Variants in NBPF8 observed in about 807,000 individuals in gnomAD.
NBPF8 encodes NBPF member 8.
chr1:120,428,898 T>G (rs1660793151), intron 3 of NBPF8, among the ~76,000 whole-genome samples: 1 of 151,716 alleles, frequency 6.6e-6, no homozygotes, highest in African/African-American at 2.4e-5. Context: ...TGACTCCTGG[T>G]TGAGTGCTTT....
chr1:120,436,358 T>A, exon 1 of NBPF8: 1 of 1,548,060 alleles, frequency 6.5e-7, no homozygotes. Flanking sequence ...CCTAAAGTGC[T>A]GTGGGAGTGA....
intron 8 of NBPF8, chr1:120,446,137 G>A: frequency 1.2e-6 from 2 of 1,603,372 alleles, no homozygotes; most frequent in Admixed American, 1.7e-5. Context: ...TATCAGTGGG[G>A]TTTTTTTCTG....
chr1:120,450,779 AG>A (rs1259331723), intron 11 of NBPF8, among the ~76,000 whole-genome samples: 3 of 152,160 alleles, frequency 2.0e-5, no homozygotes, highest in Non-Finnish European at 2.9e-5. Context: ...GGAAACCATC[AG>A]TCCCATAGTC....
intron 18 of NBPF8, 105 bp downstream of exon 16, chr1:120,460,729 C>G (rs1661560711): frequency 2.1e-6 from 2 of 975,458 alleles, no homozygotes; most frequent in Non-Finnish European, 3.2e-6. Flanking sequence ...TCTTGTCAGA[C>G]AAGTCTGAAT....
At chr1:120,456,209 T>G (rs1661431306) in intron 16 of NBPF8, among the ~76,000 whole-genome samples, 1 of 151,212 alleles carries the variant, frequency 6.6e-6, no homozygotes, top group African/African-American at 2.5e-5. Context: ...TTGGAATAAG[T>G]GTGATGTGGT....
chr1:120,433,145 A>G (rs1660932146), upstream of NBPF8: 2 of 152,226 alleles, frequency 1.3e-5, no homozygotes, highest in South Asian at 4.1e-4. Context: ...CATCAACACA[A>G]TTCTGCTTAA....
intron 12 of NBPF8, among the ~76,000 whole-genome samples, 190 bp from the exon 11 acceptor site, chr1:120,451,927 C>T (rs1422439891): frequency 6.6e-6 from 1 of 151,930 alleles, no homozygotes; most frequent in Non-Finnish European, 1.5e-5. Context: ...CAAGAGCTCT[C>T]TGTGATACAG....
chr1:120,431,359 AATATATATAT>A (rs869036983), upstream of NBPF8, among the ~76,000 whole-genome samples: 5,731 of 41,982 alleles, frequency 0.14, 468 homozygotes, highest in East Asian at 0.27. Flanking sequence ...CCAAATAGGG[AATATATATAT>A]ATATATATAT....
At chr1:120,422,116 T>C (rs1660593739) in intron 1 of NBPF8, among the ~76,000 whole-genome samples, 3 of 152,178 alleles carry the variant, frequency 2.0e-5, no homozygotes. Context: ...TACAGAAAAA[T>C]GGAGTGGATA....
chr1:120,435,725 G>A (rs1661053889), upstream of NBPF8, among the ~76,000 whole-genome samples: 2 of 151,800 alleles, frequency 1.3e-5, no homozygotes, highest in African/African-American at 4.8e-5. Context: ...AATTAGCCAG[G>A]CGTGGTGGCG....
At chr1:120,457,963 TA>T (rs199895268) in intron 16 of NBPF8, among the ~76,000 whole-genome samples, 540 of 16,854 alleles carry the variant, frequency 0.032, 1 homozygote, top group East Asian at 0.21. Flanking sequence ...ATCTGACAAT[TA>T]CGTGTTTTGG....
At chr1:120,433,274 C>T (rs1557930554), upstream of NBPF8, 1 of 152,354 alleles carries the variant, frequency 6.6e-6, no homozygotes, top group African/African-American at 2.4e-5. Context: ...AGGACTTACT[C>T]TGCTAGATTT....
At chr1:120,465,738 A>C (rs1661724352) in intron 24 of NBPF8, among the ~76,000 whole-genome samples, 1 of 151,188 alleles carries the variant, frequency 6.6e-6, no homozygotes, top group African/African-American at 2.4e-5. Context: ...TCAACTGGCC[A>C]ATTCACTAGG....
exon 25 of NBPF8, chr1:120,467,675 G>A (rs1402980247): frequency 2.0e-5 from 3 of 149,630 alleles, no homozygotes; most frequent in African/African-American, 7.4e-5. Context: ...AACATTCTCT[G>A]CCTGAGTTTT....
chr1:120,465,756 CTCTCTG>C (rs1362156469), intron 24 of NBPF8, among the ~76,000 whole-genome samples: 26,138 of 149,858 alleles, frequency 0.17, 258 homozygotes, highest in East Asian at 0.47. Flanking sequence ...AGGTCACTTT[CTCTCTG>C]TCTCTGTCTC....
At chr1:120,434,352 A>G (rs1661007729), upstream of NBPF8, among the ~76,000 whole-genome samples, 1 of 147,566 alleles carries the variant, frequency 6.8e-6, no homozygotes, top group African/African-American at 2.5e-5. Flanking sequence ...GTGTGTGTAT[A>G]TATTATATAT....
rs1366768957 is a variant in NBPF8 at position 120,420,443 on chromosome 1, G to A, written n.269+325G>A. Among the ~76,000 whole-genome samples, 196 of 139,264 alleles carry A rather than the reference G, an allele frequency of 1.4e-3. 2 individuals carry two copies. In the South Asian group the frequency reaches 0.02, roughly 14 times the overall value. The allele number at this position is 139,264 out of a possible 152,430, so 91.4% of individuals were successfully genotyped here. A position where few individuals can be genotyped will look rare whatever the true frequency, so the allele number is the denominator to read the frequency against. On this transcript the variant is annotated intron_variant and non_coding_transcript_variant, in intron 1 of 28. Transcript: ENST00000652355. ...CCCCCCATTCTCTGCCCCCATTTCC[G>A]TCTCTTGTTTCCACCCTGCCGTCCC...
intron 17 of NBPF8, 141 bp from the exon 16 acceptor site, chr1:120,460,432 C>G: frequency 1.3e-6 from 1 of 761,114 alleles, no homozygotes; most frequent in Admixed American, 1.7e-5. Flanking sequence ...GACCTCAGGC[C>G]TACTGGAATA....
intron 20 of NBPF8, among the ~76,000 whole-genome samples, chr1:120,462,571 C>G (rs1661623131): frequency 1.8e-5 from 2 of 109,348 alleles, no homozygotes; most frequent in African/African-American, 3.5e-5. Context: ...TCGCTGAGCT[C>G]ACTTTCTCCT....
Sources: allele counts gnomAD v4.1 joint callset (sites outside exome capture counted in the v4.1 genomes callset), GRCh38; gene constraint gnomAD v4.1.1; transcripts MANE v1.5; gene names NCBI Gene and HGNC (gene_info 2026-07-23, HGNC 2026-07-21).